Variants in RBFOX1 observed in about 807,000 individuals in gnomAD.
The protein encoded by RBFOX1 is RNA binding fox-1 homolog 1, also known as RNA binding protein fox-1 homolog 1.
Under a neutral mutation model 57.7 loss-of-function variants are expected in RBFOX1, and 8 were observed. That is an observed-to-expected ratio of 0.14 (90% CI 0.08 to 0.25). The LOEUF is 0.25. Ranked by LOEUF, RBFOX1 falls within the 10% of genes least tolerant of loss-of-function variation. The pLI, the probability that RBFOX1 is intolerant of heterozygous loss-of-function variation, is 1.00. For missense variants in RBFOX1, 611 were observed against 548.5 expected (o/e 1.11, Z -1.14); for synonymous variants, 326 against 222.4 (o/e 1.47, Z -4.15).
chr16:6,981,413 A>G (rs1486755866), intron 3 of RBFOX1, among the ~76,000 whole-genome samples: 5 of 152,136 alleles, frequency 3.3e-5, no homozygotes, highest in African/African-American at 9.7e-5. Flanking sequence ...TGTCCCTGCA[A>G]AGGACATCAT....
rs554492654 is a variant in RBFOX1, at chr16:6,697,717, C to A, written c.-16+43067C>A. On this transcript the variant is annotated intron_variant, in intron 3 of 15. Transcript: ENST00000550418. ...AATGAAGTTTGGGATGATCCTTCCC[C>A]AAAGAAACAGGCTGTTGTCCAAAAA... 4.6e-5 allele frequency among the ~76,000 whole-genome samples: 7 copies of A among 152,216 alleles called. No individual in the cohort carries two copies. In the South Asian group the frequency reaches 1.4e-3, roughly 32 times the overall value.
At chr16:5,240,217 C>G (rs2062130123) in intron 1 of RBFOX1, 2 of 631,014 alleles carry the variant, frequency 3.2e-6, no homozygotes, top group African/African-American at 2.0e-5. Flanking sequence ...AAGTTGGTAA[C>G]TGAGTGGCAA....
chr16:7,658,659 C>A (rs1370266779), intron 12 of RBFOX1, among the ~76,000 whole-genome samples: 3 of 152,144 alleles, frequency 2.0e-5, no homozygotes, highest in Non-Finnish European at 4.4e-5. Flanking sequence ...CAAAGAGGAA[C>A]TCGATGAGTA....
chr16:6,595,765 A>G (rs2097771178), intron 2 of RBFOX1, among the ~76,000 whole-genome samples: 2 of 152,168 alleles, frequency 1.3e-5, no homozygotes, highest in South Asian at 4.1e-4. Flanking sequence ...GGTATGAAGT[A>G]CAGCTCATCA....
At chr16:6,420,434 A>G (rs761154682) in intron 2 of RBFOX1, among the ~76,000 whole-genome samples, 4 of 152,178 alleles carry the variant, frequency 2.6e-5, no homozygotes, top group Non-Finnish European at 4.4e-5. Context: ...AAGAAAATGT[A>G]AATTAAAGAA....
chr16:5,951,016 C>G (rs2059508986), intron 4 of RBFOX1, among the ~76,000 whole-genome samples: 1 of 152,174 alleles, frequency 6.6e-6, no homozygotes, highest in South Asian at 2.1e-4. Flanking sequence ...TCATCACTGT[C>G]TCTCCAGGTG....
rs922486967 is a variant in RBFOX1 at position 6,742,061 on chromosome 16, G to A, written c.-16+87411G>A. On this transcript the variant is annotated intron_variant, in intron 3 of 15. Transcript: ENST00000550418. ...ATTAACTTGAGTTAGCCATTCTACAGTGTATACATTTTTCAAAACATCATG... is the reference window on the plus strand; with the variant it reads ...ATTAACTTGAGTTAGCCATTCTACAATGTATACATTTTTCAAAACATCATG... Among the ~76,000 whole-genome samples the A allele has an allele frequency of 8.5e-5, 13 of 152,254 alleles. 1 individual carries two copies. The highest frequency in any genetic ancestry group is 2.9e-4 in the African/African-American group (12 of 41,554).
chr16:5,682,760 T>C (rs565919675), intron 3 of RBFOX1, among the ~76,000 whole-genome samples: 3 of 152,316 alleles, frequency 2.0e-5, no homozygotes, highest in South Asian at 4.1e-4. Flanking sequence ...CAGCCACACA[T>C]TGAATTCATG....
chr16:5,780,526 T>C (rs1201059883), intron 3 of RBFOX1, among the ~76,000 whole-genome samples: 1 of 152,170 alleles, frequency 6.6e-6, no homozygotes, highest in Non-Finnish European at 1.5e-5. Context: ...CAGTGTGTAT[T>C]TGTCAATTTA....
intron 2 of RBFOX1, among the ~76,000 whole-genome samples, chr16:5,569,476 T>C (rs1555467699): frequency 6.9e-6 from 1 of 144,592 alleles, no homozygotes; most frequent in Non-Finnish European, 1.5e-5. Flanking sequence ...TTCTTCTTCT[T>C]TTTGGAGTAC....
chr16:6,927,265 T>C (rs1474050099), intron 3 of RBFOX1, among the ~76,000 whole-genome samples: 1 of 151,446 alleles, frequency 6.6e-6, no homozygotes, highest in Non-Finnish European at 1.5e-5. Context: ...ATAGAGAAAT[T>C]TGCCAGGTGT....
intron 4 of RBFOX1, among the ~76,000 whole-genome samples, chr16:7,268,211 G>C (rs182696206): frequency 6.6e-6 from 1 of 152,328 alleles, no homozygotes; most frequent in South Asian, 2.1e-4. Flanking sequence ...CTGCTGTCCT[G>C]TAGGCAGCCT....
At chr16:6,777,438 A>C (rs1208947163) in intron 3 of RBFOX1, among the ~76,000 whole-genome samples, 1 of 152,130 alleles carries the variant, frequency 6.6e-6, no homozygotes, top group Non-Finnish European at 1.5e-5. Flanking sequence ...ACCAAATAAC[A>C]CTAGGTATCA....
At chr16:7,349,741 A>T (rs964674728) in intron 4 of RBFOX1, among the ~76,000 whole-genome samples, 1 of 152,166 alleles carries the variant, frequency 6.6e-6, no homozygotes, top group Non-Finnish European at 1.5e-5. Flanking sequence ...TGTGTGCTAG[A>T]CAATACAGTT....
At chr16:5,561,418 G>A (rs1045509339) in intron 2 of RBFOX1, among the ~76,000 whole-genome samples, 1 of 151,222 alleles carries the variant, frequency 6.6e-6, no homozygotes, top group Non-Finnish European at 1.5e-5. Flanking sequence ...TCTGTATTTT[G>A]AATACCAGTT....
At chr16:6,698,941 C>G (rs11077072) in intron 3 of RBFOX1, among the ~76,000 whole-genome samples, 2 of 152,066 alleles carry the variant, frequency 1.3e-5, no homozygotes, top group South Asian at 2.1e-4. Flanking sequence ...CCATAGCGTA[C>G]GAAGACTCTA....
chr16:5,852,515 G>T (rs916735771), intron 3 of RBFOX1, among the ~76,000 whole-genome samples: 6 of 152,188 alleles, frequency 3.9e-5, no homozygotes, highest in African/African-American at 1.4e-4. Context: ...TGGACTGCAG[G>T]CTGGCTCCGG....
chr16:7,281,446 C>G (rs764238240), intron 4 of RBFOX1, among the ~76,000 whole-genome samples: 4 of 152,002 alleles, frequency 2.6e-5, no homozygotes, highest in African/African-American at 9.7e-5. Flanking sequence ...GTCCTCTCTT[C>G]TATAAAACAC....
At chr16:5,871,501 C>T (rs1034132857) in intron 4 of RBFOX1, among the ~76,000 whole-genome samples, 2 of 152,302 alleles carry the variant, frequency 1.3e-5, no homozygotes, top group African/African-American at 2.4e-5. Context: ...AATCATTAAG[C>T]CTGTTTTATC....
Sources: allele counts gnomAD v4.1 joint callset (sites outside exome capture counted in the v4.1 genomes callset), GRCh38; gene constraint gnomAD v4.1.1; transcripts MANE v1.5; gene names NCBI Gene and HGNC (gene_info 2026-07-23, HGNC 2026-07-21).